The following HLTF variants were observed in gnomAD, a reference collection of about 807,000 sequenced individuals.
HLTF encodes the protein DNA-dependent ATPase/E3 ubiquitin-protein ligase HLTF.
In HLTF, 127 loss-of-function variants were observed where a neutral mutation model predicts 129.4. That is an observed-to-expected ratio of 0.98 (90% CI 0.85 to 1.14). The LOEUF is 1.14. HLTF is among the 50% of genes most tolerant of loss of function. The pLI, the probability that HLTF is intolerant of heterozygous loss-of-function variation, is 0.00. For missense variants in HLTF, 1,139 were observed against 1,187.1 expected (o/e 0.96, Z 0.60); for synonymous variants, 332 against 388.8 (o/e 0.85, Z 1.72).
chr3:149,065,611 C>T (rs1012688164), intron 8 of HLTF, among the ~76,000 whole-genome samples: 7 of 152,088 alleles, frequency 4.6e-5, no homozygotes, highest in Non-Finnish European at 8.8e-5. Flanking sequence ...GGGCGGATCA[C>T]CTAAGATCAG....
intron 17 of HLTF, among the ~76,000 whole-genome samples, chr3:149,047,322 A>G (rs1044748498): frequency 2.6e-5 from 4 of 152,314 alleles, no homozygotes; most frequent in Non-Finnish European, 5.9e-5. Flanking sequence ...TGCTAAGGTC[A>G]TGGTACCTCA....
In HLTF at chr3:149,031,895, C is replaced by CT. The variant is rs561905648; in HGVS notation, c.*324dup. ...TGGTCAAAAGTATAAAAGGTCTGAC[C>CT]TTATTTGAAATACGAAAAAGCTGAG... On this transcript the variant is annotated 3_prime_UTR_variant, in exon 25 of 25. Transcript: ENST00000310053. The CT allele has an allele frequency of 4.6e-3, 763 of 166,826 alleles. 7 individuals carry two copies. The highest frequency in any genetic ancestry group is 0.018 in the African/African-American group (741 of 42,100). 10.3% of individuals were successfully genotyped at this position (166,826 alleles called of 1,614,324 possible). A position where few individuals can be genotyped will look rare whatever the true frequency, so the allele number is the denominator to read the frequency against.
In HLTF at chr3:149,050,267, A is replaced by G. The variant is rs367890191; in HGVS notation, c.1582T>C (p.Leu528=). 5.0e-5 allele frequency: 80 copies of G among 1,596,380 alleles called. No individual in the cohort carries two copies. The highest frequency in any genetic ancestry group is 1.7e-4 in the Middle Eastern group (1 of 6,028). The change falls in exon 15 of 25, where the codon TTG becomes CTG. Residue 528 remains leucine, a synonymous_variant. Coordinates refer to ENST00000310053, the MANE Select transcript of HLTF (RefSeq NM_003071.4). ...PALLSKQDIV[L]TTYNILTHDY... is the part of the protein sequence containing the mutation. ...TGAGTTAAAATATTATACGTAGTCA[A>G]AACAATATCCTGTTTTGAAAGTAAG...
Position 149,039,055 on chromosome 3 carries a change from C to T in HLTF, c.2790G>A (p.Met930Ile). The T allele has an allele frequency of 1.3e-6, 2 of 1,543,998 alleles. No individual in the cohort carries two copies. Among genetic ancestry groups the T allele is most frequent in the Non-Finnish European group, 8.7e-7 (1 of 1,148,128 alleles). Residue 930 changes from methionine to isoleucine, a missense_variant, in exon 23 of 25, where the codon ATG becomes ATA. Met to Ile is a conservative substitution (Grantham distance 10, BLOSUM62 1). Coordinates refer to ENST00000310053, the MANE Select transcript of HLTF (RefSeq NM_003071.4). Reference sequence around the variant, plus strand: ...AATTTACAGAACTACTTACTGGATCCATTAAAAACACTCGAGAAGCTGCAG... The same window carrying T: ...AATTTACAGAACTACTTACTGGATCTATTAAAAACACTCGAGAAGCTGCAG... ...NLSAASRVFL[M>I]DPAWNPAAED...
intron 13 of HLTF, chr3:149,059,465 T>C (rs1717735949): frequency 2.0e-6 from 1 of 493,502 alleles, no homozygotes; most frequent in South Asian, 2.0e-5. Flanking sequence ...CTAGAAGAAA[T>C]ATCTCTGCTA....
intron 14 of HLTF, among the ~76,000 whole-genome samples, chr3:149,051,073 G>C (rs1716940079): frequency 1.3e-5 from 2 of 152,000 alleles, no homozygotes. Flanking sequence ...GGTAGAAGTA[G>C]GAACAGGGTG....
At chr3:149,041,752 T>C in intron 19 of HLTF, 84 bp from the exon 20 acceptor site, 1 of 915,138 alleles carries the variant, frequency 1.1e-6, no homozygotes, top group Non-Finnish European at 1.7e-6. Flanking sequence ...AAGTTTCGCT[T>C]GCCAGTAGGG....
At position 149,031,840 on chromosome 3, in the gene HLTF, A is replaced by C. The variant is rs1715083142; in HGVS notation, c.*380T>G. On this transcript the variant is annotated 3_prime_UTR_variant, in exon 25 of 25. Transcript: ENST00000310053. ...CACAAATCGGAGGCTTTGGTAAATA[A>C]CTAAGTGTCCAACATAGAAAATAAC... is the stretch of plus-strand genomic sequence containing the variant. 2 of 154,122 alleles carry C rather than the reference A, an allele frequency of 1.3e-5. No individual in the cohort carries two copies. Among genetic ancestry groups the C allele is most frequent in the African/African-American group, 4.8e-5 (2 of 41,528 alleles). 9.5% of individuals were successfully genotyped at this position (154,122 alleles called of 1,614,324 possible).
In HLTF at chr3:149,050,277, C is replaced by T. The variant is rs751868018; in HGVS notation, c.1572G>A (p.Gln524=). 3.8e-6 allele frequency: 6 copies of T among 1,595,470 alleles called. No individual in the cohort carries two copies. The highest frequency in any genetic ancestry group is 5.2e-6 in the Non-Finnish European group (6 of 1,164,284). ...RIREPALLSK[Q]DIVLTTYNIL... ...TATTATACGTAGTCAAAACAATATC[C>T]TGTTTTGAAAGTAAGGCCGGTTCTC... The change falls in exon 15 of 25, where the codon CAG becomes CAA. Residue 524 remains glutamine, a synonymous_variant. Transcript: ENST00000310053.
At chr3:149,040,450 T>C (rs1418622073) in intron 20 of HLTF, among the ~76,000 whole-genome samples, 4 of 151,826 alleles carry the variant, frequency 2.6e-5, no homozygotes, top group Non-Finnish European at 5.9e-5. Context: ...AAAAAATCTA[T>C]GAATAACAAT....
Position 149,041,682 on chromosome 3 carries a change from T to C in HLTF, c.2198-14A>G. On this transcript the variant is annotated splice_polypyrimidine_tract_variant and intron_variant, in intron 19 of 24. Coordinates refer to ENST00000310053, the MANE Select transcript of HLTF (RefSeq NM_003071.4). ...GTGTATCATTTCCTAGAGAAAAGGC[T>C]GAAAAATTAATTTCAGAGCAAGGTT... 1 of 1,581,182 alleles carries C rather than the reference T, an allele frequency of 6.3e-7. No individual in the cohort carries two copies. Among genetic ancestry groups the C allele is most frequent in the Non-Finnish European group, 8.7e-7 (1 of 1,154,490 alleles).
At chr3:149,047,573 C>T (rs1337474963) in intron 17 of HLTF, among the ~76,000 whole-genome samples, 3 of 152,058 alleles carry the variant, frequency 2.0e-5, no homozygotes, top group South Asian at 2.1e-4. Flanking sequence ...ACCCAGGAGG[C>T]GGAGGTTGCA....
Position 149,073,289 on chromosome 3 carries a change from G to C in HLTF, c.563C>G (p.Ser188Cys). The change falls in exon 5 of 25, where the codon TCT becomes TGT. Residue 188 changes from serine (S) to cysteine (C), a missense_variant. Ser to Cys is a moderately radical substitution (Grantham distance 112, BLOSUM62 -1). Transcript: ENST00000310053. ...ACTATAGCTTGGTCCAGCTCTTCCA[G>C]AGCCCCAACCACTTTCCAAATTGAA... ...LGFNLESGWG[S>C]GRAGPSYSMP... 1 of 1,612,992 alleles carries C rather than the reference G, an allele frequency of 6.2e-7. No individual in the cohort carries two copies. Among genetic ancestry groups the C allele is most frequent in the Non-Finnish European group, 8.5e-7 (1 of 1,179,268 alleles).
At chr3:149,041,763 AAAGTCTCTCATCATT>A (rs1716153623) in intron 19 of HLTF, 95 bp from the exon 20 acceptor site, 1 of 833,934 alleles carries the variant, frequency 1.2e-6, no homozygotes, top group Admixed American at 2.5e-5. Context: ...GCCAGTAGGG[AAAGTCTCTCATCATT>A]TTCTGCCATA....
intron 20 of HLTF, 66 bp from the exon 21 acceptor site, chr3:149,040,222 AT>A: frequency 7.1e-7 from 1 of 1,411,268 alleles, no homozygotes; most frequent in Non-Finnish European, 9.7e-7. Flanking sequence ...ATGCCTAAAA[AT>A]TTTTAAATGT....
intron 2 of HLTF, among the ~76,000 whole-genome samples, chr3:149,077,265 A>C (rs1719448237): frequency 6.7e-6 from 1 of 150,078 alleles, no homozygotes; most frequent in South Asian, 2.1e-4. Context: ...TAAATAAATA[A>C]ATAAATAAAT....
At chr3:149,069,724 C>T (rs536457282) in intron 7 of HLTF, among the ~76,000 whole-genome samples, 22 of 152,222 alleles carry the variant, frequency 1.4e-4, no homozygotes, top group Admixed American at 1.1e-3. Flanking sequence ...CTATCAATCA[C>T]GACTGAGTGT....
At position 149,068,176 on chromosome 3, in the gene HLTF, T is replaced by G. The variant is rs1576612076; in HGVS notation, c.990+64A>C. On this transcript the variant is annotated intron_variant, in intron 8 of 24. Transcript: ENST00000310053. ...ATTTCTTGGTAGTTTTTTTTAATGA[T>G]GAAATTTAAAGATTTCACAATAAAC... 15 of 680,336 alleles carry G rather than the reference T, an allele frequency of 2.2e-5. No homozygotes were observed. The East Asian group carries it at 4.1e-4, about 18-fold the overall frequency. The allele number at this position is 680,336 out of a possible 1,614,324, so 42.1% of individuals were successfully genotyped here.
rs962302506 is a variant in HLTF at position 149,032,163 on chromosome 3, T to C, written c.*57A>G. On this transcript the variant is annotated 3_prime_UTR_variant, in exon 25 of 25. Transcript: ENST00000310053. ...ATCTCATTTCTAAAACTCTGTATTT[T>C]TCTCATTTCTAAAACTTAAGTATCC... 10 of 1,294,478 alleles carry C rather than the reference T, an allele frequency of 7.7e-6. No individual in the cohort carries two copies. In the South Asian group the frequency reaches 1.4e-4, roughly 18 times the overall value. The allele number at this position is 1,294,478 out of a possible 1,614,324, so 80.2% of individuals were successfully genotyped here.
Sources: allele counts gnomAD v4.1 joint callset (sites outside exome capture counted in the v4.1 genomes callset), GRCh38; gene constraint gnomAD v4.1.1; transcripts MANE v1.5; gene names NCBI Gene and HGNC (gene_info 2026-07-23, HGNC 2026-07-21).